UNC45B: variants seen among roughly 807,000 people sequenced by gnomAD.
The protein encoded by UNC45B is protein unc-45 homolog B.
In UNC45B, 78 loss-of-function variants were observed where a neutral mutation model predicts 98.7. The observed-to-expected ratio is 0.79, with a 90% CI of 0.66 to 0.95. The LOEUF (loss-of-function observed/expected upper bound fraction) is 0.95, where lower values mean the gene tolerates loss of function less well. UNC45B is among the 40% of genes least tolerant of loss of function. UNC45B has a pLI of 0.00. For synonymous variants in UNC45B, 462 were observed against 480.4 expected (o/e 0.96, Z 0.50); for missense variants, 1,225 against 1,184.9 (o/e 1.03, Z -0.50).
At chr17:35,147,970 C>G (rs893597234) in intron 1 of UNC45B, 60 bp downstream of exon 1, 1 of 394,282 alleles carries the variant, frequency 2.5e-6, no homozygotes, top group African/African-American at 2.0e-5. Context: ...CTTCTAAGAC[C>G]TGCAATGAGA....
At chr17:35,183,374 G>A in intron 18 of UNC45B, 53 bp from the exon 19 acceptor site, 1 of 1,460,614 alleles carries the variant, frequency 6.8e-7, no homozygotes, top group East Asian at 2.5e-5. Context: ...TCCCTCTTCA[G>A]GCTGGGCAGA....
rs997582060 is a variant in UNC45B at position 35,186,997 on chromosome 17, C to T, written c.*438C>T. The T allele has an allele frequency of 3.8e-5, 7 of 182,786 alleles. No individual in the cohort carries two copies. Among genetic ancestry groups the T allele is most frequent in the Admixed American group, 3.7e-4 (7 of 18,760 alleles). The allele number at this position is 182,786 out of a possible 1,614,324, so 11.3% of individuals were successfully genotyped here. On this transcript the variant is annotated 3_prime_UTR_variant, in exon 20 of 20. Transcript: ENST00000394570. The stretch of plus-strand genomic sequence containing the variant: ...CTGATCTGTGCTGTTTTCATGACCT[C>T]TCTCCCACACTATTTGAATCAGTCT...
rs1184447933 is a variant in UNC45B, at chr17:35,154,575, C to A, written c.473C>A (p.Ala158Asp). 1.2e-6 allele frequency: 2 copies of A among 1,612,500 alleles called. No individual in the cohort carries two copies. The highest frequency in any genetic ancestry group is 2.2e-5 in the South Asian group (2 of 90,638). Residue 158 changes from alanine to aspartate, a missense_variant and splice_region_variant, in exon 6 of 20, where the codon GCT becomes GAT. Coordinates refer to ENST00000394570, the MANE Select transcript of UNC45B (RefSeq NM_001267052.2). ...CCTTATTGCCTCTTCCTCCTTCAGGCTGCCAACAATCTCATTGTCCTAGGC... is the reference window on the plus strand; with the variant it reads ...CCTTATTGCCTCTTCCTCCTTCAGGATGCCAACAATCTCATTGTCCTAGGC... ...ENSEADKREKAANNLIVLGRE... is the reference protein window; with the variant it reads ...ENSEADKREKDANNLIVLGRE...
chr17:35,186,388 A>G lies in UNC45B; in HGVS notation c.2619A>G (p.Leu873=). The change falls in exon 20 of 20, where the codon CTA becomes CTG. Residue 873 remains leucine (L), a synonymous_variant. Coordinates refer to ENST00000394570, the MANE Select transcript of UNC45B (RefSeq NM_001267052.2). ...QHRGLVIAYN[L]LAADAELAKK... The stretch of plus-strand genomic sequence containing the variant: ...GGGGCCTGGTCATTGCCTACAACCT[A>G]CTGGCAGCCGATGCTGAGCTGGCCA... 1 of 1,614,166 alleles carries G rather than the reference A, an allele frequency of 6.2e-7. No individual in the cohort carries two copies. Among genetic ancestry groups the G allele is most frequent in the Non-Finnish European group, 8.5e-7 (1 of 1,180,018 alleles).
rs73989551 is a variant in UNC45B at position 35,164,324 on chromosome 17, A to G, written c.1151+158A>G. ...TGGTTTGGCTGGGTGGCTCTGGCTT[A>G]TGGTCTTTCATGAAGTTACAGTCAT... On this transcript the variant is annotated intron_variant, in intron 9 of 19. Transcript: ENST00000394570. 3,617 of 779,640 alleles carry G rather than the reference A, an allele frequency of 4.6e-3. 98 individuals are homozygous for G. The African/African-American group carries it at 0.059, about 13-fold the overall frequency. The allele number at this position is 779,640 out of a possible 1,614,324, so 48.3% of individuals were successfully genotyped here.
intron 3 of UNC45B, 103 bp downstream of exon 3, chr17:35,149,112 G>T (rs774794562): frequency 2.7e-5 from 37 of 1,362,526 alleles, no homozygotes; most frequent in Non-Finnish European, 3.4e-5. Flanking sequence ...TGAGTATGGA[G>T]TGACTTCAGA....
chr17:35,151,781 A>G (rs2092021173), intron 4 of UNC45B, among the ~76,000 whole-genome samples: 1 of 152,190 alleles, frequency 6.6e-6, no homozygotes, highest in Admixed American at 6.5e-5. Context: ...AGGCGAAGGA[A>G]AGACCTCTCC....
rs534910884 is a variant in UNC45B, at chr17:35,152,992, GGCCAGTGCCATCCA to G, written c.471+16_471+29del. ...TGATAAGCGGGAAAAGGTGAGTGCT[GGCCAGTGCCATCCA>G]GCCAGCAGAAGGACCCGCCAGTCTG... On this transcript the variant is annotated intron_variant, in intron 5 of 19. Transcript: ENST00000394570. 13,779 of 1,601,890 alleles carry G rather than the reference GGCCAGTGCCATCCA, an allele frequency of 8.6e-3. 83 individuals are homozygous for G. Among genetic ancestry groups the G allele is most frequent in the Non-Finnish European group, 1.0e-2 (11,725 of 1,172,792 alleles).
At chr17:35,173,214 C>G (rs944267751) in intron 13 of UNC45B, among the ~76,000 whole-genome samples, 36 of 151,834 alleles carry the variant, frequency 2.4e-4, no homozygotes, top group African/African-American at 8.5e-4. Flanking sequence ...CAACCTCCGC[C>G]TCTTGGGCTC....
chr17:35,159,806 G>C (rs1391160467), intron 8 of UNC45B, among the ~76,000 whole-genome samples: 1 of 152,172 alleles, frequency 6.6e-6, no homozygotes, highest in Non-Finnish European at 1.5e-5. Flanking sequence ...AGCAAATGGG[G>C]ACAAGGACTC....
chr17:35,152,612 A>T (rs1264514198), intron 4 of UNC45B, among the ~76,000 whole-genome samples: 1 of 152,202 alleles, frequency 6.6e-6, no homozygotes, highest in Non-Finnish European at 1.5e-5. Flanking sequence ...TTGGCTGAAG[A>T]TCCTTTACGC....
At position 35,177,559 on chromosome 17, in the gene UNC45B, A is replaced by G. The variant is rs763738661; in HGVS notation, c.2204A>G (p.Tyr735Cys). Residue 735 changes from tyrosine (Y) to cysteine (C), a missense_variant, in exon 17 of 20, where the codon TAT (tyrosine) becomes TGT (cysteine). Physicochemically the swap from Tyr to Cys is radical, Grantham distance 194. Transcript: ENST00000394570. ...LDTQRDGLQN[Y>C]EALLGLTNLS... is the part of the protein sequence containing the mutation. ...ACACAGAGGGATGGGCTTCAGAACT[A>G]TGAGGCTCTCCTAGGCCTCACCAAC... is the stretch of plus-strand genomic sequence containing the variant. 18 of 1,563,678 alleles carry G rather than the reference A, an allele frequency of 1.2e-5. No homozygotes were observed. Among genetic ancestry groups the G allele is most frequent in the Admixed American group, 1.1e-4 (6 of 53,074 alleles).
At chr17:35,184,495 G>A (rs7221357) in intron 19 of UNC45B, among the ~76,000 whole-genome samples, 44,332 of 152,060 alleles carry the variant, frequency 0.29, 6,537 homozygotes, top group Middle Eastern at 0.41. Flanking sequence ...GGTGTCACTG[G>A]TCACATAACT....
chr17:35,177,191 T>A, intron 16 of UNC45B, 61 bp downstream of exon 16: 1 of 1,457,372 alleles, frequency 6.9e-7, no homozygotes, highest in Non-Finnish European at 9.5e-7. Flanking sequence ...CCTAGAGGCC[T>A]TTCCCCTTGT....
rs769407457 is a variant in UNC45B, at chr17:35,159,446, C to T, written c.880C>T (p.Gln294Ter). Residue 294 changes from glutamine (Q) to a stop codon, truncating the protein, a stop_gained, in exon 8 of 20, where the codon CAG becomes TAG. Coordinates refer to ENST00000394570, the MANE Select transcript of UNC45B (RefSeq NM_001267052.2). LOFTEE classifies it high-confidence loss of function. ...GCTAGTCAGCAAGAAGGTGTCTGGCCAGGGCAGGGATCAGGCGCTGAACCT... is the reference window on the plus strand; with the variant it reads ...GCTAGTCAGCAAGAAGGTGTCTGGCTAGGGCAGGGATCAGGCGCTGAACCT... Reference protein sequence around the residue: ...DMLVSKKVSGQGRDQALNLLN... With the variant: ...DMLVSKKVSG The T allele has an allele frequency of 6.2e-7, 1 of 1,614,106 alleles. No individual in the cohort carries two copies. The highest frequency in any genetic ancestry group is 1.1e-5 in the South Asian group (1 of 91,074).
At chr17:35,171,061 G>A (rs1469154095) in intron 12 of UNC45B, among the ~76,000 whole-genome samples, 1 of 152,174 alleles carries the variant, frequency 6.6e-6, no homozygotes, top group East Asian at 1.9e-4. Flanking sequence ...GCTTGTGGAA[G>A]AGGCGCAAAG....
At chr17:35,148,234 G>A (rs764497527) in intron 1 of UNC45B, 30 bp from the exon 2 acceptor site, 28 of 1,612,906 alleles carry the variant, frequency 1.7e-5, no homozygotes, top group Admixed American at 6.7e-5. Context: ...GTGAGGGGCT[G>A]ACCAGACAGA....
chr17:35,163,938 T>C, intron 8 of UNC45B, 57 bp from the exon 9 acceptor site: 2 of 1,501,090 alleles, frequency 1.3e-6, no homozygotes, highest in Admixed American at 4.1e-5. Context: ...GAGTGAGGGG[T>C]GTGTGTGAGG....
rs1391986344 is a variant in UNC45B, at chr17:35,155,462, T to C, written c.806T>C (p.Leu269Pro). ...CGAGGGAAGGAGGAGGCCCTGGTTCTAGGTAGGAAACATTCTTCAGTTTTG... is the reference window on the plus strand; with the variant it reads ...CGAGGGAAGGAGGAGGCCCTGGTTCCAGGTAGGAAACATTCTTCAGTTTTG... ...EHRGKEEALVLDTKKDLKQIT... is the reference protein window; with the variant it reads ...EHRGKEEALVPDTKKDLKQIT... Residue 269 changes from leucine to proline, a missense_variant and splice_region_variant, in exon 7 of 20, where the codon CTA (leucine) becomes CCA (proline). Coordinates refer to ENST00000394570, the MANE Select transcript of UNC45B (RefSeq NM_001267052.2). 1.2e-6 allele frequency: 2 copies of C among 1,613,874 alleles called. No individual in the cohort carries two copies. The highest frequency in any genetic ancestry group is 1.7e-6 in the Non-Finnish European group (2 of 1,179,814).
Sources: gnomAD v4.1 joint callset for allele counts (sites outside exome capture counted in the v4.1 genomes callset) on GRCh38, gnomAD v4.1.1 for gene constraint, MANE v1.5 for transcripts, NCBI Gene and HGNC (gene_info 2026-07-23, HGNC 2026-07-21) for gene names.